Variants in CERKL observed in about 807,000 individuals in gnomAD.
CERKL encodes ceramide kinase-like protein.
Under a neutral mutation model 63.4 loss-of-function variants are expected in CERKL, and 61 were observed. The ratio of observed to expected loss-of-function variants is 0.96; its 90% confidence interval spans 0.78 to 1.19. The LOEUF (loss-of-function observed/expected upper bound fraction) is 1.19, where lower values mean the gene tolerates loss of function less well. Among genes scored for constraint, CERKL ranks in the 50% most tolerant of loss-of-function variants. The pLI is 0.00. For missense variants in CERKL, 675 were observed against 655.5 expected, an observed-to-expected ratio of 1.03 and a Z score of -0.33; for synonymous variants, 250 against 230.5, an observed-to-expected ratio of 1.08 and a Z score of -0.77.
chr2:181,612,996 T>C (rs1333885438), intron 1 of CERKL, among the ~76,000 whole-genome samples: 2 of 152,300 alleles, frequency 1.3e-5, no homozygotes, highest in Non-Finnish European at 2.9e-5. Flanking sequence ...CACACCTTTT[T>C]TTGGTGTGTT....
chr2:181,600,950 A>G (rs1317858435), intron 2 of CERKL, among the ~76,000 whole-genome samples: 1 of 152,230 alleles, frequency 6.6e-6, no homozygotes, highest in African/African-American at 2.4e-5. Flanking sequence ...TTGACCACAT[A>G]GTCGTAAGTC....
At chr2:181,561,918 A>G (rs1399163754) in intron 4 of CERKL, among the ~76,000 whole-genome samples, 2 of 152,042 alleles carry the variant, frequency 1.3e-5, no homozygotes, top group African/African-American at 4.8e-5. Context: ...GGTTCAAGTG[A>G]TTCTCCTGCT....
intron 5 of CERKL, among the ~76,000 whole-genome samples, chr2:181,555,897 C>T (rs558970577): frequency 6.6e-5 from 10 of 151,776 alleles, no homozygotes; most frequent in South Asian, 6.2e-4. Flanking sequence ...GGATCACAGG[C>T]GCACACCACC....
chr2:181,609,395 G>A (rs996279119), intron 1 of CERKL, among the ~76,000 whole-genome samples: 7 of 151,004 alleles, frequency 4.6e-5, no homozygotes, highest in Non-Finnish European at 1.0e-4. Context: ...GTAAGAAAAT[G>A]TTTTAAAAGC....
At chr2:181,540,821 G>T (rs1231999975) in intron 11 of CERKL, among the ~76,000 whole-genome samples, 1 of 152,190 alleles carries the variant, frequency 6.6e-6, no homozygotes, top group Non-Finnish European at 1.5e-5. Flanking sequence ...TGATACAGGG[G>T]AGTGCCATGA....
chr2:181,614,369 T>A (rs1030990367), intron 1 of CERKL, among the ~76,000 whole-genome samples: 1 of 152,256 alleles, frequency 6.6e-6, no homozygotes, highest in East Asian at 1.9e-4. Context: ...GAAACATAAT[T>A]AAAGAGAAAA....
chr2:181,638,892 G>C (rs947512349), intron 1 of CERKL, among the ~76,000 whole-genome samples: 2 of 152,074 alleles, frequency 1.3e-5, no homozygotes, highest in African/African-American at 4.8e-5. Context: ...TCCCCTTTAC[G>C]GGTATCAGAG....
rs138213017 is a variant in CERKL, at chr2:181,556,405, C to T, written c.820+2161G>A. Among the ~76,000 whole-genome samples, 156 of 152,120 alleles carry T rather than the reference C, an allele frequency of 1.0e-3. 2 individuals are homozygous for T. In the East Asian group the frequency reaches 0.026, roughly 26 times the overall value. On this transcript the variant is annotated intron_variant, in intron 5 of 12. Coordinates refer to ENST00000410087, the MANE Select transcript of CERKL (RefSeq NM_201548.5). ...TATCCCTCCCCACCTTCCCCCACCC[C>T]ACAACAGGCCCCAGTGTGTGATGTT...
intron 1 of CERKL, among the ~76,000 whole-genome samples, chr2:181,644,755 T>C (rs1025190151): frequency 3.9e-5 from 6 of 152,142 alleles, no homozygotes; most frequent in Admixed American, 2.6e-4. Context: ...GATCCAATTA[T>C]GCCTAAAGAG....
chr2:181,647,808 G>A (rs1358428233), intron 1 of CERKL, among the ~76,000 whole-genome samples: 1 of 151,930 alleles, frequency 6.6e-6, no homozygotes, highest in Non-Finnish European at 1.5e-5. Context: ...TAAAAATAAT[G>A]ATCTTAAAAA....
intron 1 of CERKL, chr2:181,617,431 G>T (rs1686246006): frequency 6.6e-6 from 1 of 152,178 alleles, no homozygotes; most frequent in Admixed American, 6.5e-5. Context: ...TCTGGAAAAT[G>T]AACAAAGTGA....
chr2:181,600,940 T>G (rs946483824), intron 2 of CERKL, among the ~76,000 whole-genome samples: 1 of 152,104 alleles, frequency 6.6e-6, no homozygotes, highest in African/African-American at 2.4e-5. Flanking sequence ...TTCTCTAAAA[T>G]TGACCACATA....
intron 2 of CERKL, among the ~76,000 whole-genome samples, chr2:181,580,245 T>C (rs1338389879): frequency 6.6e-6 from 1 of 151,936 alleles, no homozygotes; most frequent in Non-Finnish European, 1.5e-5. Flanking sequence ...ATGTTAAACA[T>C]TTTAAGATAA....
At chr2:181,548,379 G>A (rs1687828554) in intron 8 of CERKL, 166 bp downstream of exon 8, 2 of 625,076 alleles carry the variant, frequency 3.2e-6, no homozygotes, top group South Asian at 4.1e-5. Context: ...AAAAGGCTGA[G>A]TGAGTAGTTG....
chr2:181,594,018 A>G (rs2105880204), intron 2 of CERKL, among the ~76,000 whole-genome samples: 1 of 152,264 alleles, frequency 6.6e-6, no homozygotes. Flanking sequence ...AAAAATATTG[A>G]CCACAATAAA....
In CERKL at chr2:181,547,617, C is replaced by T. The variant is rs751631672; in HGVS notation, c.1268+1G>A. On this transcript the variant is annotated splice_donor_variant, in intron 10 of 12. Coordinates refer to ENST00000410087, the MANE Select transcript of CERKL (RefSeq NM_201548.5). LOFTEE classifies it high-confidence loss of function. Reference sequence around the variant, plus strand: ...ACAATTCAATAAAAATGCTTACTAACCTGGTATTAGGTGCCAAGCCTCTAG... The same window carrying T: ...ACAATTCAATAAAAATGCTTACTAATCTGGTATTAGGTGCCAAGCCTCTAG... The T allele has an allele frequency of 6.2e-7, 1 of 1,612,388 alleles. No individual in the cohort carries two copies. The highest frequency in any genetic ancestry group is 1.7e-5 in the Admixed American group (1 of 59,998).
At chr2:181,607,963 G>GA (rs1281393674) in intron 1 of CERKL, among the ~76,000 whole-genome samples, 1 of 152,164 alleles carries the variant, frequency 6.6e-6, no homozygotes, top group Non-Finnish European at 1.5e-5. Context: ...AAATCAGCTA[G>GA]TCAAACAATT....
At chr2:181,641,971 C>G (rs1186859546) in intron 1 of CERKL, among the ~76,000 whole-genome samples, 1 of 152,130 alleles carries the variant, frequency 6.6e-6, no homozygotes, top group Non-Finnish European at 1.5e-5. Context: ...AAAGCTAAAA[C>G]TTTTGAGGCT....
Position 181,537,809 on chromosome 2 carries a change from C to CT in CERKL, c.*374_*375insA, listed in dbSNP as rs1559064881. ...GATATTTCATCTTGACTTTTAAAGC[C>CT]CTAGAGGCTAATTGTTAGTAACATC... On this transcript the variant is annotated 3_prime_UTR_variant, in exon 13 of 13. Transcript: ENST00000410087. The CT allele has an allele frequency of 2.1e-5, 10 of 470,366 alleles. No individual in the cohort carries two copies. The highest frequency in any genetic ancestry group is 4.2e-5 in the Non-Finnish European group (10 of 238,150). The allele number at this position is 470,366 out of a possible 1,614,324, so 29.1% of individuals were successfully genotyped here. A position where few individuals can be genotyped will look rare whatever the true frequency, so the allele number is the denominator to read the frequency against.
Sources: gnomAD v4.1 joint callset for allele counts (sites outside exome capture counted in the v4.1 genomes callset) on GRCh38, gnomAD v4.1.1 for gene constraint, MANE v1.5 for transcripts, NCBI Gene and HGNC (gene_info 2026-07-23, HGNC 2026-07-21) for gene names.